Variants in ARHGEF37 observed in about 807,000 individuals in gnomAD.
ARHGEF37 encodes the protein Rho guanine nucleotide exchange factor (GEF) 37.
Under a neutral mutation model 71.1 loss-of-function variants are expected in ARHGEF37, and 55 were observed. That is an observed-to-expected ratio of 0.77 (90% CI 0.62 to 0.97). The LOEUF is 0.97. Ranked by LOEUF, ARHGEF37 falls within the 50% of genes least tolerant of loss-of-function variation. The probability of loss-of-function intolerance (pLI) is 0.00; values close to 1 mark genes in which losing one functional copy is unlikely to be tolerated. For synonymous variants in ARHGEF37, 327 were observed against 350.6 expected (o/e 0.93, Z 0.75); for missense variants, 765 against 836.8 (o/e 0.91, Z 1.06).
chr5:149,604,776 G>A (rs1170204989), intron 3 of ARHGEF37, among the ~76,000 whole-genome samples: 1 of 146,092 alleles, frequency 6.8e-6, no homozygotes, highest in Non-Finnish European at 1.5e-5. Context: ...TCTGCCTCCT[G>A]GGTTCAAGCG....
In ARHGEF37 at chr5:149,564,354, TACTTA is replaced by T. The variant is rs555553074; in HGVS notation, c.-12+12236_-12+12240del. Among the ~76,000 whole-genome samples the T allele has an allele frequency of 9.2e-5, 14 of 152,288 alleles. No homozygotes were observed. The East Asian group carries it at 2.7e-3, about 29-fold the overall frequency. On this transcript the variant is annotated intron_variant, in intron 1 of 2. Transcript: ENST00000505810. The stretch of plus-strand genomic sequence containing the variant: ...TAGGGCAACTTAAGCCCAGATATCT[TACTTA>T]ACTTGCCCAGGTGCACTAAATGACT...
intron 9 of ARHGEF37, 27 bp downstream of exon 9, chr5:149,622,089 G>A (rs1314430293): frequency 1.3e-6 from 2 of 1,566,374 alleles, no homozygotes; most frequent in Non-Finnish European, 1.7e-6. Flanking sequence ...TTGGACACCT[G>A]TGGGGAGTAG....
At chr5:149,574,637 A>G (rs1419528099) in intron 1 of ARHGEF37, among the ~76,000 whole-genome samples, 1 of 152,230 alleles carries the variant, frequency 6.6e-6, no homozygotes, top group South Asian at 2.1e-4. Flanking sequence ...GCCAGTCCAA[A>G]CTTCCCTCTC....
chr5:149,590,895 T>C (rs1282639837), intron 1 of ARHGEF37, among the ~76,000 whole-genome samples: 1 of 145,036 alleles, frequency 6.9e-6, no homozygotes, highest in Admixed American at 6.8e-5. Flanking sequence ...TGTAATTTAA[T>C]TGAGGTGGTG....
chr5:149,577,637 G>A (rs1248124670), upstream of ARHGEF37, among the ~76,000 whole-genome samples: 1 of 152,194 alleles, frequency 6.6e-6, no homozygotes, highest in East Asian at 1.9e-4. Flanking sequence ...CAGGTTTGGA[G>A]CATTCAGCTC....
intron 1 of ARHGEF37, among the ~76,000 whole-genome samples, chr5:149,585,446 A>T (rs1763204472): frequency 6.6e-6 from 1 of 152,248 alleles, no homozygotes; most frequent in Non-Finnish European, 1.5e-5. Flanking sequence ...ATGCTTCCAT[A>T]CGAATGGATC....
intron 1 of ARHGEF37, among the ~76,000 whole-genome samples, chr5:149,575,318 C>G (rs1165423060): frequency 6.6e-6 from 1 of 152,198 alleles, no homozygotes; most frequent in African/African-American, 2.4e-5. Flanking sequence ...TCCCTAATTT[C>G]CCTATAGAAT....
At chr5:149,612,778 C>T (rs1254904991) in intron 4 of ARHGEF37, among the ~76,000 whole-genome samples, 1 of 152,240 alleles carries the variant, frequency 6.6e-6, no homozygotes, top group Non-Finnish European at 1.5e-5. Context: ...CTTTCCAGAG[C>T]CTGGCCAATA....
At chr5:149,575,588 C>T (rs1394351663) in intron 1 of ARHGEF37, among the ~76,000 whole-genome samples, 1 of 151,498 alleles carries the variant, frequency 6.6e-6, no homozygotes, top group African/African-American at 2.4e-5. Context: ...CTTGAAAAGA[C>T]ACAAAGTAGA....
In ARHGEF37 at chr5:149,588,041, CG is replaced by C. The variant is rs1195273452; in HGVS notation, c.-12+6418del. 5.9e-5 allele frequency among the ~76,000 whole-genome samples: 9 copies of C among 151,768 alleles called. No individual in the cohort carries two copies. In the East Asian group the frequency reaches 1.8e-3, roughly 30 times the overall value. ...CCTCCTGAGTAGCTGGGATTACAGGCGTGTGCCACCACTCCTGGTTAATTTT... is the reference window on the plus strand; with the variant it reads ...CCTCCTGAGTAGCTGGGATTACAGGCTGTGCCACCACTCCTGGTTAATTTT... On this transcript the variant is annotated intron_variant, in intron 1 of 12. Coordinates refer to ENST00000333677, the MANE Select transcript of ARHGEF37 (RefSeq NM_001001669.3).
At chr5:149,630,202 A>T (rs1752838712) in intron 12 of ARHGEF37, among the ~76,000 whole-genome samples, 1 of 152,204 alleles carries the variant, frequency 6.6e-6, no homozygotes, top group Non-Finnish European at 1.5e-5. Flanking sequence ...TATATCTGAA[A>T]AGTAAAGTGT....
At chr5:149,561,499 C>T (rs779643163) in intron 1 of ARHGEF37, among the ~76,000 whole-genome samples, 17 of 152,104 alleles carry the variant, frequency 1.1e-4, no homozygotes, top group Non-Finnish European at 2.1e-4. Flanking sequence ...GGCTTTAACT[C>T]GTTTGTCTGC....
At chr5:149,555,926 C>G (rs1762748394) in intron 1 of ARHGEF37, among the ~76,000 whole-genome samples, 1 of 151,938 alleles carries the variant, frequency 6.6e-6, no homozygotes, top group African/African-American at 2.4e-5. Flanking sequence ...GAGTTCAAGA[C>G]CAGCCTGAGC....
In ARHGEF37 at chr5:149,571,397, A is replaced by G. The variant is rs187395795; in HGVS notation, c.-12+19274A>G. Among the ~76,000 whole-genome samples the G allele has an allele frequency of 5.2e-4, 79 of 152,310 alleles. 1 individual carries two copies. In the East Asian group the frequency reaches 0.011, roughly 20 times the overall value. On this transcript the variant is annotated intron_variant, in intron 1 of 2. Coordinates refer to the ARHGEF37 transcript ENST00000505810. ...CAGCCCCCTGAGTAGCTGGGATTAC[A>G]TACAAAAATAAAATTTTAGGGAATC... is the stretch of plus-strand genomic sequence containing the variant.
At chr5:149,584,495 A>C (rs1763181517) in intron 1 of ARHGEF37, among the ~76,000 whole-genome samples, 1 of 152,194 alleles carries the variant, frequency 6.6e-6, no homozygotes, top group African/African-American at 2.4e-5. Flanking sequence ...TGACTTGGAA[A>C]ATTCCTTCCC....
upstream of ARHGEF37, among the ~76,000 whole-genome samples, chr5:149,580,465 G>C (rs891595329): frequency 6.6e-6 from 1 of 152,138 alleles, no homozygotes; most frequent in African/African-American, 2.4e-5. Flanking sequence ...ATGTTTTTCT[G>C]AGTGTAGAGT....
chr5:149,622,820 T>G (rs1296102944), intron 9 of ARHGEF37, among the ~76,000 whole-genome samples: 1 of 152,210 alleles, frequency 6.6e-6, no homozygotes, highest in Non-Finnish European at 1.5e-5. Context: ...AACACCCAAC[T>G]GCTTCCAGAT....
rs530013018 is a variant in ARHGEF37, at chr5:149,612,229, G to A, written c.458+2534G>A. 2.8e-4 allele frequency among the ~76,000 whole-genome samples: 43 copies of A among 152,164 alleles called. 1 individual carries two copies. The South Asian group carries it at 7.0e-3, about 25-fold the overall frequency. ...GTCGCCCAGGCTGGAGTGCAGTGGC[G>A]CGATCTCGGCCCACTGCAACCTCCG... On this transcript the variant is annotated intron_variant, in intron 4 of 12. Transcript: ENST00000333677.
intron 3 of ARHGEF37, among the ~76,000 whole-genome samples, chr5:149,603,266 C>T (rs1373188157): frequency 6.6e-6 from 1 of 152,152 alleles, no homozygotes; most frequent in Non-Finnish European, 1.5e-5. Context: ...AACCTACTTT[C>T]TGAGTGTTTA....
Sources: allele counts gnomAD v4.1 joint callset (sites outside exome capture counted in the v4.1 genomes callset), GRCh38; gene constraint gnomAD v4.1.1; transcripts MANE v1.5; gene names NCBI Gene and HGNC (gene_info 2026-07-23, HGNC 2026-07-21).